Variants in ARHGEF12 observed in about 807,000 individuals in gnomAD.
ARHGEF12 encodes Rho guanine nucleotide exchange factor 12.
ARHGEF12 carries 66 observed loss-of-function variants against 211.2 expected under a neutral mutation model. The ratio of observed to expected loss-of-function variants is 0.31; its 90% CI spans 0.26 to 0.38. The LOEUF (loss-of-function observed/expected upper bound fraction) is 0.38, where lower values mean the gene tolerates loss of function less well. Among genes scored for constraint, ARHGEF12 ranks in the 10% least tolerant of loss-of-function variants. The probability of loss-of-function intolerance (pLI) is 1.00; values close to 1 mark genes in which losing one functional copy is unlikely to be tolerated. For missense variants in ARHGEF12, 1,429 were observed against 1,869.5 expected, an observed-to-expected ratio of 0.76 and a Z score of 4.34; for synonymous variants, 592 against 638.4, an observed-to-expected ratio of 0.93 and a Z score of 1.09.
intron 16 of ARHGEF12, 114 bp downstream of exon 16, chr11:120,445,578 ACAGAAAGACAGTC>A: frequency 9.7e-7 from 1 of 1,026,966 alleles, no homozygotes; most frequent in Non-Finnish European, 1.5e-6. Context: ...CTGAATCACA[ACAGAAAGACAGTC>A]TATAATACAT....
intron 30 of ARHGEF12, among the ~76,000 whole-genome samples, chr11:120,472,316 T>C (rs1281354384): frequency 6.6e-6 from 1 of 152,124 alleles, no homozygotes; most frequent in African/African-American, 2.4e-5. Flanking sequence ...AATAAATACA[T>C]ATCTGTTTGC....
rs1947428484 is a variant in ARHGEF12 at position 120,487,541 on chromosome 11, C to A, written c.*2464C>A. On this transcript the variant is annotated 3_prime_UTR_variant, in exon 41 of 41. Coordinates refer to ENST00000397843, the MANE Select transcript of ARHGEF12 (RefSeq NM_015313.3). ...GACTTTGGTTGTGACATCTTCCTTT[C>A]AGGATGATGGAATTAGATGCAGTCT... The A allele has an allele frequency of 4.7e-6, 1 of 214,172 alleles. No homozygotes were observed. Among genetic ancestry groups the A allele is most frequent in the African/African-American group, 2.3e-5 (1 of 44,256 alleles). 13.3% of individuals were successfully genotyped at this position (214,172 alleles called of 1,614,324 possible). A position where few individuals can be genotyped will look rare whatever the true frequency, so the allele number is the denominator to read the frequency against.
At chr11:120,471,608 A>G (rs962072895) in intron 30 of ARHGEF12, among the ~76,000 whole-genome samples, 5 of 152,200 alleles carry the variant, frequency 3.3e-5, no homozygotes, top group Admixed American at 2.0e-4. Context: ...ACTGTATGCA[A>G]ATTTTACTTT....
At chr11:120,480,518 C>T in intron 38 of ARHGEF12, 88 bp downstream of exon 38, 2 of 1,252,318 alleles carry the variant, frequency 1.6e-6, no homozygotes, top group South Asian at 1.5e-5. Flanking sequence ...TATTGGTATC[C>T]AGGTGTGTGT....
chr11:120,373,793 A>G (rs1057168072), intron 1 of ARHGEF12, among the ~76,000 whole-genome samples: 3 of 152,198 alleles, frequency 2.0e-5, no homozygotes, highest in Non-Finnish European at 2.9e-5. Flanking sequence ...AATAATTAAA[A>G]TATGAAAAAT....
chr11:120,478,062 G>GTTTT, intron 36 of ARHGEF12, 94 bp from the exon 37 acceptor site: 2 of 661,842 alleles, frequency 3.0e-6, no homozygotes, highest in Non-Finnish European at 2.4e-6. Context: ...TTTATGGATT[G>GTTTT]TTTTTTTTTT....
At chr11:120,405,709 T>G (rs1944681948) in intron 1 of ARHGEF12, among the ~76,000 whole-genome samples, 2 of 152,160 alleles carry the variant, frequency 1.3e-5, no homozygotes, top group African/African-American at 4.8e-5. Context: ...GGCAAAATAT[T>G]TCTTTTTGTC....
chr11:120,403,062 A>C (rs1404786182), intron 1 of ARHGEF12, among the ~76,000 whole-genome samples: 1 of 152,232 alleles, frequency 6.6e-6, no homozygotes, highest in African/African-American at 2.4e-5. Flanking sequence ...CTGTAATAAC[A>C]CATCGGGAAG....
intron 16 of ARHGEF12, 83 bp downstream of exon 16, chr11:120,445,547 A>AC: frequency 1.5e-6 from 2 of 1,319,826 alleles, no homozygotes; most frequent in Non-Finnish European, 2.2e-6. Context: ...TTTATCTGTC[A>AC]CATGGTGACT....
chr11:120,373,182 A>G (rs1213267310), intron 1 of ARHGEF12, among the ~76,000 whole-genome samples: 3 of 152,174 alleles, frequency 2.0e-5, no homozygotes, highest in African/African-American at 7.2e-5. Context: ...ATCCTTTTCA[A>G]CCATATAAGA....
chr11:120,351,510 C>T (rs1942971705), intron 1 of ARHGEF12, among the ~76,000 whole-genome samples: 1 of 119,126 alleles, frequency 8.4e-6, no homozygotes, highest in Non-Finnish European at 1.6e-5. Flanking sequence ...GTTGCCCAGG[C>T]TGGAGGCTGG....
chr11:120,427,483 G>A lies in ARHGEF12; in HGVS notation c.407-586G>A, dbSNP rs1040575148. ...CTTGGGAGGCCAAGGCGGGTGGATC[G>A]CTTGAGCTCAGGAGTTTAAGACCAG... On this transcript the variant is annotated intron_variant, in intron 7 of 40. Transcript: ENST00000397843. 6.6e-5 allele frequency among the ~76,000 whole-genome samples: 10 copies of A among 151,710 alleles called. 1 individual carries two copies. Among genetic ancestry groups the A allele is most frequent in the South Asian group, 2.1e-4 (1 of 4,784 alleles).
At position 120,475,505 on chromosome 11, in the gene ARHGEF12, C is replaced by T. The variant is rs1451148218; in HGVS notation, c.3275C>T (p.Thr1092Ile). ...ACAGTGTTGGTTCGACAAGTGGCAA[C>T]AGGCAAGTATGTCCACTGAAGGATA... ...LSTVLVRQVA[T>I]DNKALFVISM... is the part of the protein sequence containing the mutation. The change falls in exon 33 of 41, where the codon ACA (threonine) becomes ATA (isoleucine). Residue 1092 changes from threonine to isoleucine, a missense_variant and splice_region_variant. Physicochemically the swap from Thr to Ile is moderately conservative, Grantham distance 89. This residue lies in a region of ARHGEF12 where 223 missense variants were observed against 444.6 expected (regional missense o/e 0.50). Coordinates refer to ENST00000397843, the MANE Select transcript of ARHGEF12 (RefSeq NM_015313.3). 1 of 1,613,646 alleles carries T rather than the reference C, an allele frequency of 6.2e-7. No individual in the cohort carries two copies.
chr11:120,352,682 G>A (rs948917505), intron 1 of ARHGEF12, among the ~76,000 whole-genome samples: 8 of 152,156 alleles, frequency 5.3e-5, no homozygotes, highest in African/African-American at 1.9e-4. Flanking sequence ...CTCTGCCTGA[G>A]TTACAGGCGT....
In ARHGEF12 at chr11:120,460,703, A is replaced by G. The variant is rs1468904867; in HGVS notation, c.2559A>G (p.Arg853=). The change falls in exon 27 of 41, where the codon CGA becomes CGG. Residue 853 remains arginine, a synonymous_variant. Coordinates refer to ENST00000397843, the MANE Select transcript of ARHGEF12 (RefSeq NM_015313.3). ...IGLNEQMKAV[R]KRNETSVIDQ... is the part of the protein sequence containing the mutation. ...TGAATGAACAAATGAAGGCTGTTCG[A>G]AAGAGAAATGAGACCTCTGTTATCG... 1.2e-6 allele frequency: 2 copies of G among 1,613,926 alleles called. No homozygotes were observed. Among genetic ancestry groups the G allele is most frequent in the Admixed American group, 1.7e-5 (1 of 60,028 alleles).
intron 30 of ARHGEF12, 47 bp downstream of exon 30, chr11:120,469,435 T>A (rs1371958048): frequency 7.2e-7 from 1 of 1,389,212 alleles, no homozygotes; most frequent in Non-Finnish European, 1.0e-6. Flanking sequence ...GGGAGAACAT[T>A]AAATTAATAT....
intron 12 of ARHGEF12, 84 bp downstream of exon 12, chr11:120,437,466 C>A: frequency 1.1e-6 from 1 of 902,368 alleles, no homozygotes; most frequent in Non-Finnish European, 1.6e-6. Flanking sequence ...CTGATGTTTA[C>A]ATATTTTATT....
intron 26 of ARHGEF12, among the ~76,000 whole-genome samples, chr11:120,460,286 A>G (rs1412768336): frequency 6.6e-6 from 1 of 152,194 alleles, no homozygotes; most frequent in Non-Finnish European, 1.5e-5. Context: ...TGACAAGTTC[A>G]GGCTTGATTA....
intron 13 of ARHGEF12, 79 bp downstream of exon 13, chr11:120,440,300 G>A (rs1780589043): frequency 8.7e-7 from 1 of 1,154,270 alleles, no homozygotes; most frequent in Non-Finnish European, 1.3e-6. Flanking sequence ...AGCACGTTCT[G>A]GAGATTAAGA....
Sources: allele counts gnomAD v4.1 joint callset (sites outside exome capture counted in the v4.1 genomes callset), GRCh38; gene constraint gnomAD v4.1.1; regional missense constraint gnomAD v4.1.1; transcripts MANE v1.5; gene names NCBI Gene and HGNC (gene_info 2026-07-23, HGNC 2026-07-21).